KIF15: variants seen among roughly 807,000 people sequenced by gnomAD.
KIF15 encodes kinesin-like protein KIF15.
Under a neutral mutation model 190.6 loss-of-function variants are expected in KIF15, and 140 were observed. That is an observed-to-expected ratio of 0.73 (90% confidence interval 0.64 to 0.84). The LOEUF is 0.84. Ranked by LOEUF, KIF15 falls within the 40% of genes least tolerant of loss-of-function variation. The pLI, the probability that KIF15 is intolerant of heterozygous loss-of-function variation, is 0.00. For synonymous variants in KIF15, 528 were observed against 551.3 expected (o/e 0.96, Z 0.59); for missense variants, 1,372 against 1,584.4 (o/e 0.87, Z 2.28).
intron 4 of KIF15, among the ~76,000 whole-genome samples, chr3:44,780,503 G>C (rs1373831124): frequency 6.6e-6 from 1 of 152,098 alleles, no homozygotes; most frequent in African/African-American, 2.4e-5. Flanking sequence ...CAAAACCATG[G>C]AATACTGTGT....
At chr3:44,783,177 A>T (rs1706245081) in intron 5 of KIF15, among the ~76,000 whole-genome samples, 1 of 152,140 alleles carries the variant, frequency 6.6e-6, no homozygotes, top group African/African-American at 2.4e-5. Context: ...GTAAAGGAAT[A>T]CCTGAGGCTG....
chr3:44,766,250 G>A (rs974929658), intron 1 of KIF15, among the ~76,000 whole-genome samples: 1 of 152,200 alleles, frequency 6.6e-6, no homozygotes, highest in Non-Finnish European at 1.5e-5. Context: ...CTCAGAGCCT[G>A]GGGACTTGAG....
intron 7 of KIF15, 106 bp downstream of exon 7, chr3:44,786,680 G>A: frequency 1.3e-6 from 1 of 769,398 alleles, no homozygotes; most frequent in Non-Finnish European, 2.0e-6. Flanking sequence ...ATGTCATAAA[G>A]GCATAATACA....
chr3:44,825,959 A>T, intron 20 of KIF15, 80 bp from the exon 21 acceptor site: 1 of 1,280,330 alleles, frequency 7.8e-7, no homozygotes, highest in Non-Finnish European at 1.1e-6. Context: ...TAGATGAGAT[A>T]AATTGAACTG....
chr3:44,827,419 T>A (rs766969409), intron 22 of KIF15, 40 bp from the exon 23 acceptor site: 3 of 1,401,816 alleles, frequency 2.1e-6, no homozygotes, highest in Non-Finnish European at 2.0e-6. Context: ...CTGTTTTCAT[T>A]GAGTGAAGTC....
rs372587206 is a variant in KIF15, at chr3:44,790,241, G to A, written c.639+3667G>A. Among the ~76,000 whole-genome samples, 51 of 151,962 alleles carry A rather than the reference G, an allele frequency of 3.4e-4. No homozygotes were observed. The South Asian group carries it at 9.0e-3, about 27-fold the overall frequency. ...CTCCAAGGCTAGAGTGTAGTGGTGCGATCTTGGCTTACTTCAACCTCTGCC... is the reference window on the plus strand; with the variant it reads ...CTCCAAGGCTAGAGTGTAGTGGTGCAATCTTGGCTTACTTCAACCTCTGCC... On this transcript the variant is annotated intron_variant, in intron 7 of 34. Coordinates refer to ENST00000326047, the MANE Select transcript of KIF15 (RefSeq NM_020242.3).
chr3:44,812,398 T>C, intron 18 of KIF15, 109 bp downstream of exon 18: 1 of 744,900 alleles, frequency 1.3e-6, no homozygotes, highest in Non-Finnish European at 2.3e-6. Flanking sequence ...ATGAAACATA[T>C]TCAGAGAGTA....
chr3:44,853,318 A>C (rs1264722888), downstream of KIF15: 1 of 152,212 alleles, frequency 6.6e-6, no homozygotes, highest in Admixed American at 6.5e-5. Context: ...GAACACCTGC[A>C]ATATGCCAGG....
chr3:44,865,298 G>A (rs1180635931), intron 6 of KIF15: 10 of 1,387,736 alleles, frequency 7.2e-6, no homozygotes, highest in African/African-American at 1.4e-5. Flanking sequence ...CATCAGCCAA[G>A]GGAAGCAGGC....
chr3:44,797,793 G>T (rs753710205), intron 9 of KIF15, 41 bp from the exon 10 acceptor site: 1 of 1,607,968 alleles, frequency 6.2e-7, no homozygotes, highest in South Asian at 1.1e-5. Flanking sequence ...AAGGTCTTGT[G>T]ATTTCTCACC....
intron 7 of KIF15, among the ~76,000 whole-genome samples, chr3:44,787,271 C>T (rs1390524630): frequency 6.6e-6 from 1 of 152,060 alleles, no homozygotes; most frequent in Non-Finnish European, 1.5e-5. Flanking sequence ...CTGGCTCTTC[C>T]CCAAAATTAA....
chr3:44,811,579 A>G (rs1359446998), intron 17 of KIF15, among the ~76,000 whole-genome samples: 1 of 152,170 alleles, frequency 6.6e-6, no homozygotes, highest in African/African-American at 2.4e-5. Flanking sequence ...CGGGAGGCGG[A>G]GGTTGCAGTG....
chr3:44,865,825 C>T (rs1034689403), intron 6 of KIF15, among the ~76,000 whole-genome samples: 3 of 152,172 alleles, frequency 2.0e-5, no homozygotes, highest in Non-Finnish European at 4.4e-5. Flanking sequence ...CTTGTGGTTA[C>T]TTCCTGAGGT....
At chr3:44,798,740 G>A (rs928019001) in intron 10 of KIF15, among the ~76,000 whole-genome samples, 1 of 152,190 alleles carries the variant, frequency 6.6e-6, no homozygotes, top group African/African-American at 2.4e-5. Context: ...AATTAAGTAT[G>A]TGAGTCTTTC....
intron 6 of KIF15, chr3:44,865,424 A>C: frequency 2.0e-6 from 1 of 500,686 alleles, no homozygotes; most frequent in South Asian, 3.6e-5. Flanking sequence ...GGCCTACCCC[A>C]GTGAGCCTTC....
chr3:44,826,381 A>G lies in KIF15; in HGVS notation c.2707A>G (p.Met903Val). 6.2e-7 allele frequency: 1 copy of G among 1,611,760 alleles called. No individual in the cohort carries two copies. The highest frequency in any genetic ancestry group is 8.5e-7 in the Non-Finnish European group (1 of 1,179,010). The change falls in exon 22 of 35, where the codon ATG becomes GTG. Residue 903 changes from methionine (M) to valine (V), a missense_variant. Physicochemically the swap from Met to Val is conservative, Grantham distance 21. Coordinates refer to ENST00000326047, the MANE Select transcript of KIF15 (RefSeq NM_020242.3). Reference protein sequence around the residue: ...ETLKSDLNNLMELLEAEKERN... With the variant: ...ETLKSDLNNLVELLEAEKERN... ...ATCTAATGTTGTCTTTTAGAATTTG[A>G]TGGAGCTTCTTGAGGCAGAAAAAGA...
chr3:44,778,011 T>C, intron 3 of KIF15, 104 bp from the exon 4 acceptor site: 1 of 842,748 alleles, frequency 1.2e-6, no homozygotes, highest in Admixed American at 1.8e-5. Flanking sequence ...GTGGATGTTA[T>C]CCATGTTATT....
intron 29 of KIF15, among the ~76,000 whole-genome samples, 195 bp from the exon 30 acceptor site, chr3:44,842,930 T>G (rs1158364470): frequency 6.6e-6 from 1 of 152,234 alleles, no homozygotes; most frequent in Non-Finnish European, 1.5e-5. Flanking sequence ...TTCAAGACAC[T>G]GTGGATGTGA....
chr3:44,827,374 G>A, intron 22 of KIF15, 85 bp from the exon 23 acceptor site: 1 of 934,826 alleles, frequency 1.1e-6, no homozygotes, highest in Non-Finnish European at 1.7e-6. Flanking sequence ...AAGTTCATTT[G>A]CACTTAATCT....
Sources: allele counts gnomAD v4.1 joint callset (sites outside exome capture counted in the v4.1 genomes callset), GRCh38; gene constraint gnomAD v4.1.1; transcripts MANE v1.5; gene names NCBI Gene and HGNC (gene_info 2026-07-23, HGNC 2026-07-21).